Variants in PDE4D observed in about 807,000 individuals in gnomAD.
The protein encoded by PDE4D is 3',5'-cyclic-AMP phosphodiesterase 4D.
A neutral mutation model predicts 87.4 loss-of-function variants in PDE4D; 24 were observed. That is an observed-to-expected ratio of 0.27 (90% CI 0.20 to 0.39). PDE4D has a LOEUF of 0.39. PDE4D is among the 10% of genes least tolerant of loss of function. The pLI is 1.00. For synonymous variants in PDE4D, 384 were observed against 383.2 expected (o/e 1.00, Z -0.02); for missense variants, 714 against 1,041.0 (o/e 0.69, Z 4.32).
At chr5:59,433,451 G>A (rs1174364339) in intron 1 of PDE4D, among the ~76,000 whole-genome samples, 1 of 152,060 alleles carries the variant, frequency 6.6e-6, no homozygotes, top group Non-Finnish European at 1.5e-5. Context: ...CCAACTAGCA[G>A]GAGGTGGCCC....
chr5:59,374,166 C>A (rs928030063), intron 1 of PDE4D, among the ~76,000 whole-genome samples: 2 of 152,144 alleles, frequency 1.3e-5, no homozygotes, highest in Non-Finnish European at 2.9e-5. Context: ...GAATCAAATT[C>A]ACACATAACA....
At chr5:59,751,739 T>C (rs950869749) in intron 1 of PDE4D, among the ~76,000 whole-genome samples, 4 of 151,960 alleles carry the variant, frequency 2.6e-5, no homozygotes, top group African/African-American at 4.8e-5. Context: ...GTAATCCCCA[T>C]ATTTGTTCAC....
At chr5:60,310,625 C>G (rs945299514) in intron 1 of PDE4D, among the ~76,000 whole-genome samples, 2 of 152,208 alleles carry the variant, frequency 1.3e-5, no homozygotes, top group African/African-American at 4.8e-5. Context: ...GAATAGGGTT[C>G]TAACAGATAC....
intron 1 of PDE4D, among the ~76,000 whole-genome samples, chr5:60,244,914 C>G (rs1469332727): frequency 6.6e-6 from 1 of 151,942 alleles, no homozygotes; most frequent in Non-Finnish European, 1.5e-5. Context: ...GCTCCACAAG[C>G]ACAGGCAACC....
At chr5:59,932,816 T>A (rs1344841439) in intron 3 of PDE4D, among the ~76,000 whole-genome samples, 1 of 152,126 alleles carries the variant, frequency 6.6e-6, no homozygotes, top group East Asian at 1.9e-4. Context: ...GATGAAGAGA[T>A]TAGTCAACAA....
chr5:59,050,737 A>T (rs1279168125), intron 5 of PDE4D, among the ~76,000 whole-genome samples: 1 of 152,174 alleles, frequency 6.6e-6, no homozygotes, highest in African/African-American at 2.4e-5. Context: ...CAGCCTTGCC[A>T]TTGTTCTAGT....
intron 1 of PDE4D, among the ~76,000 whole-genome samples, chr5:59,382,272 T>C (rs1210771061): frequency 2.6e-5 from 4 of 152,118 alleles, no homozygotes; most frequent in Admixed American, 6.6e-5. Context: ...TTTCCAAATA[T>C]ATACAACAAC....
At chr5:60,107,735 TA>T (rs1420946764) in intron 2 of PDE4D, among the ~76,000 whole-genome samples, 1 of 152,156 alleles carries the variant, frequency 6.6e-6, no homozygotes, top group Non-Finnish European at 1.5e-5. Flanking sequence ...ATCAAGCATA[TA>T]AACAGAACCG....
intron 1 of PDE4D, among the ~76,000 whole-genome samples, chr5:59,589,571 A>G (rs1262195486): frequency 2.6e-5 from 4 of 152,164 alleles, no homozygotes; most frequent in African/African-American, 9.6e-5. Context: ...AAGATGTAAA[A>G]ATATATTTTC....
At chr5:59,365,568 A>T (rs35288) in intron 1 of PDE4D, among the ~76,000 whole-genome samples, 31,150 of 152,142 alleles carry the variant, frequency 0.2, 3,329 homozygotes, top group South Asian at 0.31. Flanking sequence ...AGTTTGTAAC[A>T]CTGGCCTGGG....
At chr5:59,373,283 A>T (rs1402672736) in intron 1 of PDE4D, among the ~76,000 whole-genome samples, 1 of 152,244 alleles carries the variant, frequency 6.6e-6, no homozygotes, top group Non-Finnish European at 1.5e-5. Flanking sequence ...AAAAATCATG[A>T]TAAAACAATG....
In PDE4D at chr5:60,089,014, G is replaced by A. The variant is rs148523029; in HGVS notation, c.42+96543C>T. On this transcript the variant is annotated intron_variant, in intron 2 of 16. Transcript: ENST00000502484. The stretch of plus-strand genomic sequence containing the variant: ...AATGGAAAACAAACAAACAAAAAGA[G>A]CAGAAGTAAAGCTATAATTATCAGA... 4.6e-3 allele frequency among the ~76,000 whole-genome samples: 694 copies of A among 152,018 alleles called. 6 individuals carry two copies. The highest frequency in any genetic ancestry group is 0.016 in the African/African-American group (672 of 41,528).
At chr5:59,242,160 A>G (rs1757814942) in intron 1 of PDE4D, among the ~76,000 whole-genome samples, 2 of 152,132 alleles carry the variant, frequency 1.3e-5, no homozygotes, top group African/African-American at 4.8e-5. Flanking sequence ...AGAAGCTGAC[A>G]TTGGAGGATC....
chr5:60,325,438 T>C (rs1252585169), intron 1 of PDE4D, among the ~76,000 whole-genome samples: 1 of 152,194 alleles, frequency 6.6e-6, no homozygotes, highest in Admixed American at 6.5e-5. Context: ...AGAAACTTTG[T>C]AGATGTCTTT....
intron 1 of PDE4D, among the ~76,000 whole-genome samples, chr5:59,331,081 T>C (rs1776647003): frequency 1.3e-5 from 2 of 152,200 alleles, no homozygotes; most frequent in Non-Finnish European, 2.9e-5. Context: ...GTGTCAACTA[T>C]GTTACACCTA....
At chr5:60,209,049 C>A (rs1348622437) in intron 1 of PDE4D, among the ~76,000 whole-genome samples, 1 of 152,142 alleles carries the variant, frequency 6.6e-6, no homozygotes, top group Non-Finnish European at 1.5e-5. Flanking sequence ...TGATTTAAAG[C>A]CAGGCTGCCT....
chr5:59,097,462 T>A (rs1769949669), intron 5 of PDE4D, among the ~76,000 whole-genome samples: 1 of 152,150 alleles, frequency 6.6e-6, no homozygotes, highest in East Asian at 1.9e-4. Flanking sequence ...TCATCCCTTC[T>A]ACCCTCCACT....
intron 1 of PDE4D, among the ~76,000 whole-genome samples, chr5:60,407,444 C>CTTTTTTTTTTTTTTTTT (rs70975385): frequency 1.2e-5 from 1 of 80,092 alleles, no homozygotes; most frequent in Non-Finnish European, 2.3e-5. Flanking sequence ...TTTCTTTTTC[C>CTTTTTTTTTTTTTTTTT]TTTTTTTTTT....
intron 5 of PDE4D, among the ~76,000 whole-genome samples, chr5:59,161,184 G>A (rs1297154123): frequency 6.6e-6 from 1 of 151,672 alleles, no homozygotes; most frequent in Non-Finnish European, 1.5e-5. Context: ...TTTAGAAAGT[G>A]TATTTTGCCA....
Sources: allele counts gnomAD v4.1 joint callset (sites outside exome capture counted in the v4.1 genomes callset), GRCh38; gene constraint gnomAD v4.1.1; transcripts MANE v1.5; gene names NCBI Gene and HGNC (gene_info 2026-07-23, HGNC 2026-07-21).